Variants in PIK3C3 observed in about 807,000 individuals in gnomAD.
The protein encoded by PIK3C3 is phosphatidylinositol 3-kinase catalytic subunit type 3.
Under a neutral mutation model 126.1 loss-of-function variants are expected in PIK3C3, and 95 were observed. The observed-to-expected ratio is 0.75, with a 90% CI of 0.64 to 0.89. PIK3C3 has a LOEUF of 0.89. PIK3C3 is among the 40% of genes least tolerant of loss of function. The pLI, the probability that PIK3C3 is intolerant of heterozygous loss-of-function variation, is 0.00. For missense variants in PIK3C3, 829 were observed against 1,063.2 expected (o/e 0.78, Z 3.06); for synonymous variants, 374 against 360.0 (o/e 1.04, Z -0.44).
At chr18:42,062,157 A>G (rs1985343200) in intron 22 of PIK3C3, among the ~76,000 whole-genome samples, 1 of 152,130 alleles carries the variant, frequency 6.6e-6, no homozygotes, top group South Asian at 2.1e-4. Context: ...AGATTTCCCC[A>G]TGCCAAGATG....
chr18:41,995,868 A>C (rs2144363856), intron 7 of PIK3C3, 22 bp from the exon 8 acceptor site: 1 of 1,532,440 alleles, frequency 6.5e-7, no homozygotes, highest in Admixed American at 1.7e-5. Context: ...TTACATTGTC[A>C]ATATTTTAAA....
chr18:42,029,390 G>T lies in PIK3C3; in HGVS notation c.1656G>T (p.Leu552Phe), dbSNP rs1327992119. Reference sequence around the variant, plus strand: ...CACAACAGACATTTGTAGATCGGTTGGTGCATCTAATGAAGGCAGTACAAC... The same window carrying T: ...CACAACAGACATTTGTAGATCGGTTTGTGCATCTAATGAAGGCAGTACAAC... ...LAAQQTFVDR[L>F]VHLMKAVQRE... is the part of the protein sequence containing the mutation. The change falls in exon 15 of 25, where the codon TTG becomes TTT. Residue 552 changes from leucine (L) to phenylalanine (F), a missense_variant. Transcript: ENST00000262039. 6.8e-6 allele frequency: 11 copies of T among 1,613,626 alleles called. No homozygotes were observed. The highest frequency in any genetic ancestry group is 1.3e-5 in the African/African-American group (1 of 74,828).
intron 12 of PIK3C3, among the ~76,000 whole-genome samples, chr18:42,018,926 G>A (rs1330819403): frequency 6.6e-6 from 1 of 152,096 alleles, no homozygotes; most frequent in Non-Finnish European, 1.5e-5. Flanking sequence ...AACCTCAGAT[G>A]AGCACTCACT....
chr18:42,000,101 T>G (rs1203928870), intron 9 of PIK3C3, among the ~76,000 whole-genome samples: 1 of 152,208 alleles, frequency 6.6e-6, no homozygotes, highest in Non-Finnish European at 1.5e-5. Context: ...TTGCCCAGGC[T>G]GGACTGCAAT....
intron 6 of PIK3C3, 51 bp downstream of exon 6, chr18:41,990,605 C>A: frequency 1.1e-6 from 1 of 947,344 alleles, no homozygotes; most frequent in Non-Finnish European, 1.7e-6. Context: ...GGAGAGGAAA[C>A]ATTAAAAAAA....
chr18:42,045,686 A>G (rs1317316168), intron 20 of PIK3C3, among the ~76,000 whole-genome samples: 1 of 152,220 alleles, frequency 6.6e-6, no homozygotes, highest in Non-Finnish European at 1.5e-5. Context: ...GAGCAGTCCT[A>G]GAGCCTTCCT....
In PIK3C3 at chr18:41,982,429, A is replaced by G. The variant is rs545643160; in HGVS notation, c.532-5383A>G. On this transcript the variant is annotated intron_variant, in intron 4 of 24. Coordinates refer to ENST00000262039, the MANE Select transcript of PIK3C3 (RefSeq NM_002647.4). ...GCAATCAAGTTTATACTTGGATTTT[A>G]TTTCAGGTGGTTAAGTTAAATTAAT... is the stretch of plus-strand genomic sequence containing the variant. Among the ~76,000 whole-genome samples, 321 of 152,236 alleles carry G rather than the reference A, an allele frequency of 2.1e-3. 2 individuals are homozygous for G. The highest frequency in any genetic ancestry group is 4.4e-3 in the South Asian group (21 of 4,824).
At chr18:42,006,228 A>T (rs568610554) in intron 10 of PIK3C3, among the ~76,000 whole-genome samples, 1 of 151,120 alleles carries the variant, frequency 6.6e-6, no homozygotes, top group Non-Finnish European at 1.5e-5. Flanking sequence ...GAAATGACAC[A>T]TGGGTTGAGG....
chr18:41,994,602 TATATG>T (rs1981939176), intron 7 of PIK3C3, among the ~76,000 whole-genome samples: 1 of 152,108 alleles, frequency 6.6e-6, no homozygotes, highest in Non-Finnish European at 1.5e-5. Context: ...GGAAATCTAG[TATATG>T]ATATAGGTGG....
intron 1 of PIK3C3, among the ~76,000 whole-genome samples, chr18:41,956,548 CTTTTTTTT>C (rs57601171): frequency 1.0e-5 from 1 of 100,238 alleles, no homozygotes; most frequent in Non-Finnish European, 1.9e-5. Flanking sequence ...AAACCGGTCC[CTTTTTTTT>C]TTTTTTTTTT....
intron 15 of PIK3C3, among the ~76,000 whole-genome samples, chr18:42,030,129 A>G (rs1204187588): frequency 1.3e-5 from 2 of 152,166 alleles, no homozygotes; most frequent in African/African-American, 4.8e-5. Context: ...AGAATATACA[A>G]TATATTTGAT....
rs747825815 is a variant in PIK3C3, at chr18:41,990,469, G to A, written c.629G>A (p.Arg210Gln). ...CATTTTTTTTTTCAGAGTGAAAAAC[G>A]AAGTTCTAATTTCATGTACCTGATG... ...EIEMINESEK[R>Q]SSNFMYLMVE... Residue 210 changes from arginine to glutamine, a missense_variant, in exon 6 of 25, where the codon CGA (arginine) becomes CAA (glutamine). Coordinates refer to ENST00000262039, the MANE Select transcript of PIK3C3 (RefSeq NM_002647.4). The A allele has an allele frequency of 5.7e-6, 9 of 1,576,366 alleles. No homozygotes were observed. The highest frequency in any genetic ancestry group is 7.8e-6 in the Non-Finnish European group (9 of 1,147,652).
At chr18:42,001,458 C>G (rs1982286138) in intron 9 of PIK3C3, among the ~76,000 whole-genome samples, 1 of 152,170 alleles carries the variant, frequency 6.6e-6, no homozygotes, top group South Asian at 2.1e-4. Context: ...CTTTACAATT[C>G]TCTTTACATT....
At chr18:42,034,738 A>C (rs1983972955) in intron 16 of PIK3C3, among the ~76,000 whole-genome samples, 1 of 152,200 alleles carries the variant, frequency 6.6e-6, no homozygotes, top group Non-Finnish European at 1.5e-5. Context: ...TTTGTGAGAC[A>C]TGGTGCTTTA....
intron 24 of PIK3C3, among the ~76,000 whole-genome samples, chr18:42,070,752 GCCTCTCC>G (rs1490749772): frequency 1.3e-5 from 2 of 152,154 alleles, no homozygotes; most frequent in African/African-American, 2.4e-5. Context: ...AATGAAATCT[GCCTCTCC>G]CCTCTCCCCA....
At position 42,024,889 on chromosome 18, in the gene PIK3C3, T is replaced by C. The variant is rs1226461469; in HGVS notation, c.1485-2554T>C. On this transcript the variant is annotated intron_variant, in intron 13 of 24. Coordinates refer to ENST00000262039, the MANE Select transcript of PIK3C3 (RefSeq NM_002647.4). ...TGCCATCTCGGCTCACTGCAAGCTC[T>C]GCCTCACGAGTTCACGCCATTCTTC... 3.3e-5 allele frequency among the ~76,000 whole-genome samples: 5 copies of C among 151,900 alleles called. No homozygotes were observed. In the East Asian group the frequency reaches 5.8e-4, roughly 18 times the overall value.
Position 42,043,715 on chromosome 18 carries a change from T to G in PIK3C3, c.2104-18T>G, listed in dbSNP as rs988839911. On this transcript the variant is annotated intron_variant, in intron 19 of 24. Coordinates refer to ENST00000262039, the MANE Select transcript of PIK3C3 (RefSeq NM_002647.4). ...TGTTTGTACTTAATTCTAAAACATG[T>G]AAATAATGTCTTTTCAGAACTTTTT... 5.2e-6 allele frequency: 8 copies of G among 1,546,914 alleles called. No individual in the cohort carries two copies. The East Asian group carries it at 1.8e-4, about 35-fold the overall frequency.
At chr18:42,001,380 A>G (rs1014733032) in intron 9 of PIK3C3, among the ~76,000 whole-genome samples, 10 of 152,206 alleles carry the variant, frequency 6.6e-5, no homozygotes, top group African/African-American at 2.4e-4. Flanking sequence ...TTGGAACCCA[A>G]ACACCCTGGC....
intron 1 of PIK3C3, among the ~76,000 whole-genome samples, chr18:41,956,548 CTTTTT>C (rs57601171): frequency 1.4e-4 from 14 of 100,234 alleles, no homozygotes; most frequent in Non-Finnish European, 2.6e-4. Context: ...AAACCGGTCC[CTTTTT>C]TTTTTTTTTT....
Sources: gnomAD v4.1 joint callset for allele counts (sites outside exome capture counted in the v4.1 genomes callset) on GRCh38, gnomAD v4.1.1 for gene constraint, MANE v1.5 for transcripts, NCBI Gene and HGNC (gene_info 2026-07-23, HGNC 2026-07-21) for gene names.